CHD9: variants seen among roughly 807,000 people sequenced by gnomAD.
CHD9 encodes ATP-dependent chromatin remodeler CHD9.
Under a neutral mutation model 316.1 loss-of-function variants are expected in CHD9, and 77 were observed. The ratio of observed to expected loss-of-function variants is 0.24; its 90% CI spans 0.20 to 0.29. The LOEUF is 0.29. Ranked by LOEUF, CHD9 falls within the 10% of genes least tolerant of loss-of-function variation. The pLI, the probability that CHD9 is intolerant of heterozygous loss-of-function variation, is 1.00. For missense variants in CHD9, 2,763 were observed against 3,438.1 expected, an observed-to-expected ratio of 0.80 and a Z score of 4.91; for synonymous variants, 1,129 against 1,158.3, an observed-to-expected ratio of 0.97 and a Z score of 0.51.
intron 2 of CHD9, among the ~76,000 whole-genome samples, chr16:53,181,137 A>G (rs1248021421): frequency 2.0e-5 from 3 of 151,382 alleles, no homozygotes; most frequent in Non-Finnish European, 4.4e-5. Flanking sequence ...CAGCCTCCCG[A>G]GTAGCTGGGA....
chr16:53,125,827 G>C (rs747894127), intron 1 of CHD9, among the ~76,000 whole-genome samples: 13 of 152,154 alleles, frequency 8.5e-5, no homozygotes, highest in Non-Finnish European at 1.6e-4. Context: ...AAGTGTATTA[G>C]CTGCATATTC....
chr16:53,259,468 C>G (rs1484416585), intron 19 of CHD9, among the ~76,000 whole-genome samples: 1 of 151,928 alleles, frequency 6.6e-6, no homozygotes, highest in African/African-American at 2.4e-5. Flanking sequence ...TCAATTACTT[C>G]ATGTTTAATC....
intron 1 of CHD9, among the ~76,000 whole-genome samples, chr16:53,084,039 C>A (rs942069662): frequency 6.6e-6 from 1 of 151,960 alleles, no homozygotes; most frequent in South Asian, 2.1e-4. Context: ...CGTGAGCCAC[C>A]CGCACCCAGC....
At position 53,314,377 on chromosome 16, in the gene CHD9, G is replaced by A. The variant is rs1449658939; in HGVS notation, c.7223G>A (p.Gly2408Asp). The A allele has an allele frequency of 1.9e-6, 3 of 1,556,970 alleles. No homozygotes were observed. The South Asian group carries it at 3.7e-5, about 19-fold the overall frequency. Reference protein sequence around the residue: ...VNFPKSIPVSGTSIQPTLGAN... With the variant: ...VNFPKSIPVSDTSIQPTLGAN... Reference sequence around the variant, plus strand: ...CATTTTGCATTTTTAATTCAATTAGGTACTTCCATTCAACCAACCCTTGGT... The same window carrying A: ...CATTTTGCATTTTTAATTCAATTAGATACTTCCATTCAACCAACCCTTGGT... Residue 2408 changes from glycine to aspartate, a missense_variant and splice_region_variant, in exon 35 of 39, where the codon GGT becomes GAT. By Grantham distance (94) the Gly-to-Asp change is moderately conservative. Coordinates refer to ENST00000447540, the MANE Select transcript of CHD9 (RefSeq NM_001308319.2).
chr16:53,243,763 A>G (rs1397168321), intron 13 of CHD9, among the ~76,000 whole-genome samples: 2 of 152,210 alleles, frequency 1.3e-5, no homozygotes, highest in Admixed American at 6.5e-5. Context: ...TAATAGTGGG[A>G]TTTCTTATAG....
At chr16:53,196,922 ACTT>A (rs971655875) in intron 2 of CHD9, among the ~76,000 whole-genome samples, 3 of 152,206 alleles carry the variant, frequency 2.0e-5, no homozygotes, top group African/African-American at 7.2e-5. Context: ...TGATTAACAT[ACTT>A]CTTCAGAAGA....
Position 53,245,615 on chromosome 16 carries a change from C to A in CHD9, c.3219C>A (p.Ile1073=). Residue 1073 remains isoleucine (I), a synonymous_variant, in exon 15 of 39, where the codon ATC becomes ATA. Transcript: ENST00000447540. This position sits in a 1 kb window ranked among gnomAD's most constrained non-coding sequence, Gnocchi z 4.1. ...TTCAGGTACAGAAACTTCAGGCTATCCTGAAACCAATGATGTTGAGACGAT... is the reference window on the plus strand; with the variant it reads ...TTCAGGTACAGAAACTTCAGGCTATACTGAAACCAATGATGTTGAGACGAT... ...TEEQVQKLQA[I]LKPMMLRRLK... 1 of 1,582,020 alleles carries A rather than the reference C, an allele frequency of 6.3e-7. No homozygotes were observed. The highest frequency in any genetic ancestry group is 1.9e-5 in the Admixed American group (1 of 52,980).
intron 4 of CHD9, among the ~76,000 whole-genome samples, chr16:53,223,251 CT>C (rs58315231): frequency 0.15 from 20,185 of 138,828 alleles, 2,075 homozygotes; most frequent in African/African-American, 0.34. Flanking sequence ...TGCATTTTGC[CT>C]TTTTTTTTTT....
At chr16:53,134,653 C>T (rs1281965404) in intron 1 of CHD9, among the ~76,000 whole-genome samples, 2 of 152,210 alleles carry the variant, frequency 1.3e-5, no homozygotes, top group Non-Finnish European at 2.9e-5. Flanking sequence ...ATTTCCTCTA[C>T]TGTATTGTCT....
intron 1 of CHD9, among the ~76,000 whole-genome samples, chr16:53,098,216 C>T (rs993043906): frequency 1.3e-5 from 2 of 152,044 alleles, no homozygotes; most frequent in Non-Finnish European, 2.9e-5. Context: ...TGGCTTACGC[C>T]TGTAATCCCA....
chr16:53,074,947 C>T lies in CHD9; in HGVS notation c.-165+19870C>T, dbSNP rs1171073311. On this transcript the variant is annotated intron_variant, in intron 1 of 38. Coordinates refer to ENST00000447540, the MANE Select transcript of CHD9 (RefSeq NM_001308319.2). ...CCACACCCCAGAATGGCAGATCCAA[C>T]TTGCATCGTGTGCCTGGAAAAGCCA... Among the ~76,000 whole-genome samples, 5 of 152,280 alleles carry T rather than the reference C, an allele frequency of 3.3e-5. No individual in the cohort carries two copies. In the East Asian group the frequency reaches 7.7e-4, roughly 24 times the overall value.
chr16:53,055,670 C>T (rs1172695794), intron 1 of CHD9, among the ~76,000 whole-genome samples: 1 of 152,182 alleles, frequency 6.6e-6, no homozygotes, highest in African/African-American at 2.4e-5. Flanking sequence ...TGATTCCCTC[C>T]TCCTCCTATT....
At chr16:53,308,140 T>C (rs2056152143) in intron 33 of CHD9, among the ~76,000 whole-genome samples, 187 bp downstream of exon 33, 1 of 152,234 alleles carries the variant, frequency 6.6e-6, no homozygotes, top group Non-Finnish European at 1.5e-5. Context: ...CGTCATTAAA[T>C]ATGTTTTTCT....
intron 2 of CHD9, among the ~76,000 whole-genome samples, chr16:53,204,048 A>AT (rs1460965091): frequency 3.3e-3 from 254 of 77,218 alleles, no homozygotes; most frequent in African/African-American, 5.5e-3. Flanking sequence ...AAAAAAAAAA[A>AT]ATATATATAT....
intron 1 of CHD9, chr16:53,121,882 T>G (rs2038756421): frequency 1.3e-5 from 2 of 152,770 alleles, no homozygotes; most frequent in South Asian, 4.1e-4. Context: ...GGAGTTCATT[T>G]TCACTTACTG....
At chr16:53,296,851 T>G in intron 29 of CHD9, 105 bp from the exon 30 acceptor site, 1 of 717,102 alleles carries the variant, frequency 1.4e-6, no homozygotes, top group Non-Finnish European at 2.3e-6. Flanking sequence ...CCTATAGTGT[T>G]AGGTACTTGA....
chr16:53,191,198 G>A (rs907411790), intron 2 of CHD9, among the ~76,000 whole-genome samples: 1 of 151,926 alleles, frequency 6.6e-6, no homozygotes, highest in Non-Finnish European at 1.5e-5. Context: ...GAATCATGCT[G>A]TACCTACTTT....
intron 36 of CHD9, among the ~76,000 whole-genome samples, chr16:53,316,091 A>G (rs775614515): frequency 6.6e-6 from 1 of 151,662 alleles, no homozygotes; most frequent in Non-Finnish European, 1.5e-5. Flanking sequence ...TTCAATTTTT[A>G]TTTTGTAGAG....
intron 3 of CHD9, among the ~76,000 whole-genome samples, chr16:53,221,074 G>A (rs1161804664): frequency 6.6e-6 from 1 of 152,162 alleles, no homozygotes; most frequent in Non-Finnish European, 1.5e-5. Context: ...GTTAGGAACT[G>A]TGTCACTATA....
Sources: gnomAD v4.1 joint callset for allele counts (sites outside exome capture counted in the v4.1 genomes callset) on GRCh38, gnomAD v4.1.1 for gene constraint, Gnocchi (gnomAD v3.1) non-coding constraint, MANE v1.5 for transcripts, NCBI Gene and HGNC (gene_info 2026-07-23, HGNC 2026-07-21) for gene names.